The following MYRIP variants were observed in gnomAD, a reference collection of about 807,000 sequenced individuals.
MYRIP encodes rab effector MyRIP.
MYRIP carries 49 observed loss-of-function variants against 98.0 expected under a neutral mutation model. The ratio of observed to expected loss-of-function variants is 0.50; its 90% confidence interval spans 0.40 to 0.63. The LOEUF is 0.63. Among genes scored for constraint, MYRIP ranks in the 30% least tolerant of loss-of-function variants. The pLI, the probability that MYRIP is intolerant of heterozygous loss-of-function variation, is 0.00. For synonymous variants in MYRIP, 404 were observed against 409.5 expected (o/e 0.99, Z 0.16); for missense variants, 1,004 against 1,058.2 (o/e 0.95, Z 0.71).
At chr3:40,185,892 C>G (rs1246436003) in intron 9 of MYRIP, among the ~76,000 whole-genome samples, 1 of 152,040 alleles carries the variant, frequency 6.6e-6, no homozygotes, top group Non-Finnish European at 1.5e-5. Flanking sequence ...GCCCCTATAG[C>G]CTTTGGTGCC....
chr3:39,848,972 A>AT (rs1942049662), intron 1 of MYRIP, among the ~76,000 whole-genome samples: 1 of 152,216 alleles, frequency 6.6e-6, no homozygotes, highest in South Asian at 2.1e-4. Flanking sequence ...TGTGCACAGG[A>AT]GTAACGTATT....
chr3:40,051,225 C>T (rs1559380544), intron 3 of MYRIP, among the ~76,000 whole-genome samples: 1 of 152,096 alleles, frequency 6.6e-6, no homozygotes, highest in Admixed American at 6.6e-5. Flanking sequence ...TGGCAGACTT[C>T]ATAATTGTCT....
intron 3 of MYRIP, among the ~76,000 whole-genome samples, chr3:40,050,752 G>C (rs1337619736): frequency 6.6e-6 from 1 of 152,154 alleles, no homozygotes; most frequent in African/African-American, 2.4e-5. Context: ...GTCATAAAGA[G>C]CATTTGTGAT....
chr3:40,251,892 G>C lies in MYRIP; in HGVS notation c.2440G>C (p.Glu814Gln). 6.2e-7 allele frequency: 1 copy of C among 1,609,558 alleles called. No individual in the cohort carries two copies. The highest frequency in any genetic ancestry group is 8.5e-7 in the Non-Finnish European group (1 of 1,176,046). Residue 814 changes from glutamate (E) to glutamine (Q), a missense_variant, in exon 16 of 17, where the codon GAG (glutamate) becomes CAG (glutamine). Transcript: ENST00000302541. ...TTATTTCCTTTTAGCTGAAAAAATTGAGACATCTTCAGTGACTACCATTAA... is the reference window on the plus strand; with the variant it reads ...TTATTTCCTTTTAGCTGAAAAAATTCAGACATCTTCAGTGACTACCATTAA... ...PAPPVKAEKI[E>Q]TSSVTTIKTF...
At chr3:39,972,129 C>G (rs1428082239) in intron 2 of MYRIP, among the ~76,000 whole-genome samples, 1 of 152,018 alleles carries the variant, frequency 6.6e-6, no homozygotes, top group Admixed American at 6.6e-5. Flanking sequence ...ACTTCAATTA[C>G]TTTTTATAAT....
intron 1 of MYRIP, among the ~76,000 whole-genome samples, chr3:39,827,117 T>C (rs1285258445): frequency 5.3e-5 from 8 of 152,168 alleles, no homozygotes; most frequent in Non-Finnish European, 1.0e-4. Flanking sequence ...TAATTTTTTG[T>C]TTGTTTGTTT....
At chr3:40,137,234 C>T (rs1949798523) in intron 3 of MYRIP, among the ~76,000 whole-genome samples, 1 of 152,178 alleles carries the variant, frequency 6.6e-6, no homozygotes, top group South Asian at 2.1e-4. Flanking sequence ...TACAAACTAC[C>T]ATCAGAGAAT....
intron 1 of MYRIP, among the ~76,000 whole-genome samples, chr3:39,869,600 C>T (rs1023188295): frequency 2.0e-5 from 3 of 152,140 alleles, no homozygotes; most frequent in African/African-American, 7.2e-5. Flanking sequence ...GGATTGAAGT[C>T]CCCTTCTTTG....
intron 1 of MYRIP, among the ~76,000 whole-genome samples, chr3:39,892,482 T>G (rs1223217758): frequency 6.6e-6 from 1 of 152,214 alleles, no homozygotes; most frequent in African/African-American, 2.4e-5. Context: ...AAGATAATCT[T>G]ACATAAGTGC....
In MYRIP at chr3:40,181,322, G is replaced by A. The variant is rs989962954; in HGVS notation, c.874-898G>A. On this transcript the variant is annotated intron_variant, in intron 8 of 16. Transcript: ENST00000302541. ...GAAAGAGCTTGCCTTTGTCTCCTAGGCTAGGTACCTGTGGGAGAGAGAAAG... is the reference window on the plus strand; with the variant it reads ...GAAAGAGCTTGCCTTTGTCTCCTAGACTAGGTACCTGTGGGAGAGAGAAAG... Among the ~76,000 whole-genome samples the A allele has an allele frequency of 3.3e-5, 5 of 152,110 alleles. No individual in the cohort carries two copies. In the East Asian group the frequency reaches 9.7e-4, roughly 29 times the overall value.
chr3:39,862,103 T>A (rs949502403), intron 1 of MYRIP, among the ~76,000 whole-genome samples: 7 of 152,072 alleles, frequency 4.6e-5, no homozygotes, highest in South Asian at 2.1e-4. Flanking sequence ...AAGGGGTGGG[T>A]CACCTACAAA....
intron 3 of MYRIP, among the ~76,000 whole-genome samples, chr3:40,074,702 A>C (rs946827245): frequency 6.6e-6 from 1 of 152,156 alleles, no homozygotes; most frequent in Non-Finnish European, 1.5e-5. Context: ...AGACTGGGAG[A>C]AAATACTTAC....
chr3:39,821,674 A>G (rs1941105358), intron 1 of MYRIP, among the ~76,000 whole-genome samples: 1 of 152,180 alleles, frequency 6.6e-6, no homozygotes, highest in African/African-American at 2.4e-5. Flanking sequence ...TATTGTTCAC[A>G]TGTGAATTTT....
chr3:39,861,516 A>G (rs1387856969), intron 1 of MYRIP, among the ~76,000 whole-genome samples: 1 of 152,218 alleles, frequency 6.6e-6, no homozygotes, highest in South Asian at 2.1e-4. Flanking sequence ...TGACAGAAAT[A>G]GAATTCAGAA....
intron 4 of MYRIP, among the ~76,000 whole-genome samples, chr3:40,162,477 C>CT (rs1300399136): frequency 6.6e-6 from 1 of 152,186 alleles, no homozygotes; most frequent in Non-Finnish European, 1.5e-5. Flanking sequence ...TCCATATTGC[C>CT]TGCAAAGAAG....
rs577436868 is a variant in MYRIP at position 39,891,439 on chromosome 3, T to C, written c.-30-9348T>C. On this transcript the variant is annotated intron_variant, in intron 1 of 16. Transcript: ENST00000302541. ...TGCATGATATTCCAGGGAATAGGTG[T>C]ACCACATTTAATGTAATCATTCTCT... Among the ~76,000 whole-genome samples, 116 of 152,246 alleles carry C rather than the reference T, an allele frequency of 7.6e-4. No individual in the cohort carries two copies. In the Middle Eastern group the frequency reaches 0.014, roughly 18 times the overall value.
intron 11 of MYRIP, among the ~76,000 whole-genome samples, chr3:40,227,731 G>C (rs974855872): frequency 6.6e-6 from 1 of 152,190 alleles, no homozygotes; most frequent in East Asian, 1.9e-4. Flanking sequence ...GCACTCACCA[G>C]CATTGTGCCC....
At chr3:40,154,748 G>A (rs937093326) in intron 4 of MYRIP, among the ~76,000 whole-genome samples, 2 of 152,038 alleles carry the variant, frequency 1.3e-5, no homozygotes, top group Non-Finnish European at 2.9e-5. Context: ...CCCCTGCTGT[G>A]TCCATGTGTT....
intron 1 of MYRIP, among the ~76,000 whole-genome samples, chr3:39,827,418 T>C (rs79601173): frequency 0.016 from 2,397 of 152,326 alleles, 58 homozygotes; most frequent in African/African-American, 0.055. Flanking sequence ...AAGCCAGGTC[T>C]TATTTTTTTA....
Sources: allele counts gnomAD v4.1 joint callset (sites outside exome capture counted in the v4.1 genomes callset), GRCh38; gene constraint gnomAD v4.1.1; transcripts MANE v1.5; gene names NCBI Gene and HGNC (gene_info 2026-07-23, HGNC 2026-07-21).